The following CA10 variants were observed in gnomAD, a reference collection of about 807,000 sequenced individuals.
The protein encoded by CA10 is carbonic anhydrase-related protein 10.
CA10 carries 14 observed loss-of-function variants against 44.2 expected under a neutral mutation model. That is an observed-to-expected ratio of 0.32 (90% CI 0.21 to 0.50). The LOEUF (loss-of-function observed/expected upper bound fraction) is 0.50, where lower values mean the gene tolerates loss of function less well. Among genes scored for constraint, CA10 ranks in the 20% least tolerant of loss-of-function variants. The pLI is 0.99. For synonymous variants in CA10, 159 were observed against 141.6 expected, an observed-to-expected ratio of 1.12 and a Z score of -0.87; for missense variants, 350 against 409.7, an observed-to-expected ratio of 0.85 and a Z score of 1.26.
intron 1 of CA10, among the ~76,000 whole-genome samples, chr17:52,123,923 A>T (rs1503060): frequency 0.13 from 20,539 of 152,144 alleles, 1,667 homozygotes; most frequent in East Asian, 0.4. Context: ...GACCCTGTTT[A>T]AAAAAAGCAT....
intron 3 of CA10, among the ~76,000 whole-genome samples, chr17:51,894,412 T>C (rs1430978996): frequency 6.6e-6 from 1 of 152,076 alleles, no homozygotes; most frequent in Non-Finnish European, 1.5e-5. Context: ...AACTCCCAAG[T>C]AACTTTGATT....
intron 2 of CA10, among the ~76,000 whole-genome samples, chr17:51,944,970 G>C (rs1277911788): frequency 6.6e-6 from 1 of 152,114 alleles, no homozygotes; most frequent in Non-Finnish European, 1.5e-5. Context: ...GGGTCAACTG[G>C]GATGATCCGG....
intron 3 of CA10, among the ~76,000 whole-genome samples, chr17:51,809,613 C>T (rs568723849): frequency 8.5e-5 from 13 of 152,284 alleles, no homozygotes; most frequent in Admixed American, 3.9e-4. Context: ...ATACAGACGA[C>T]GGATGCTGCA....
intron 3 of CA10, among the ~76,000 whole-genome samples, chr17:51,805,089 C>T (rs1907077182): frequency 1.3e-5 from 2 of 152,148 alleles, no homozygotes; most frequent in South Asian, 2.1e-4. Flanking sequence ...CTGGTCTCAG[C>T]GGTCCCTTTC....
intron 6 of CA10, among the ~76,000 whole-genome samples, chr17:51,639,756 G>A (rs1034575834): frequency 1.1e-4 from 16 of 152,214 alleles, no homozygotes; most frequent in Non-Finnish European, 7.3e-5. Flanking sequence ...AGTGGAGAGT[G>A]TGAGTTTTAG....
At chr17:52,081,799 C>CAAAA (rs10707842) in intron 1 of CA10, among the ~76,000 whole-genome samples, 3 of 78,332 alleles carry the variant, frequency 3.8e-5, no homozygotes, top group African/African-American at 9.3e-5. Flanking sequence ...GACTCCGTCT[C>CAAAA]AAAAAAAAAA....
chr17:51,807,046 A>C (rs1907166114), intron 3 of CA10, among the ~76,000 whole-genome samples: 1 of 152,222 alleles, frequency 6.6e-6, no homozygotes, highest in African/African-American at 2.4e-5. Context: ...AGGCAGATTA[A>C]AGTGCATGTC....
chr17:51,719,916 A>G (rs1178484188), intron 4 of CA10, among the ~76,000 whole-genome samples: 1 of 152,124 alleles, frequency 6.6e-6, no homozygotes, highest in Admixed American at 6.6e-5. Context: ...AAACTTTTGC[A>G]GCCTTTTAAG....
In CA10 at chr17:51,949,529, T is replaced by G. The variant is rs1272786665; in HGVS notation, c.137-18397A>C. Among the ~76,000 whole-genome samples the G allele has an allele frequency of 3.3e-5, 5 of 152,286 alleles. No homozygotes were observed. In the East Asian group the frequency reaches 9.7e-4, roughly 29 times the overall value. On this transcript the variant is annotated intron_variant, in intron 2 of 8. Coordinates refer to ENST00000451037, the MANE Select transcript of CA10 (RefSeq NM_020178.5). Reference sequence around the variant, plus strand: ...ACACTTTGATTCCTTTGTCAAAATTTCCACTTAGAGCTGTGTGGGTGAGGC... The same window carrying G: ...ACACTTTGATTCCTTTGTCAAAATTGCCACTTAGAGCTGTGTGGGTGAGGC...
At chr17:52,002,050 C>T (rs538527143) in intron 2 of CA10, among the ~76,000 whole-genome samples, 2 of 151,788 alleles carry the variant, frequency 1.3e-5, no homozygotes, top group Non-Finnish European at 1.5e-5. Context: ...CTGGTTTTAA[C>T]AAAAATATGT....
At chr17:51,849,220 C>T (rs202138) in intron 3 of CA10, among the ~76,000 whole-genome samples, 855 of 19,966 alleles carry the variant, frequency 0.043, 1 homozygote, top group Non-Finnish European at 0.056. Context: ...TATATATATA[C>T]ATATATGTGT....
In CA10 at chr17:51,943,666, G is replaced by A. The variant is rs947230442; in HGVS notation, c.137-12534C>T. On this transcript the variant is annotated intron_variant, in intron 2 of 8. Transcript: ENST00000451037. ...AGCATGATCTGGGACTCAAACCAGA[G>A]ACTCTGATTAAATAAGTCTATGGCG... 2.0e-5 allele frequency among the ~76,000 whole-genome samples: 3 copies of A among 152,176 alleles called. No homozygotes were observed. In the East Asian group the frequency reaches 5.8e-4, roughly 29 times the overall value.
At chr17:51,820,408 C>A (rs1256210918) in intron 3 of CA10, among the ~76,000 whole-genome samples, 13 of 68,660 alleles carry the variant, frequency 1.9e-4, no homozygotes, top group Non-Finnish European at 2.8e-4. Context: ...TTCCCCTACC[C>A]CCCCCCCCCC....
intron 1 of CA10, among the ~76,000 whole-genome samples, chr17:52,133,020 A>T (rs952284384): frequency 6.6e-6 from 1 of 152,120 alleles, no homozygotes; most frequent in African/African-American, 2.4e-5. Flanking sequence ...GCAGATAAGG[A>T]TTATATGACT....
chr17:51,883,052 G>A (rs559217427), intron 3 of CA10, among the ~76,000 whole-genome samples: 1 of 152,208 alleles, frequency 6.6e-6, no homozygotes, highest in Non-Finnish European at 1.5e-5. Context: ...TATTAGTGGT[G>A]GGTCATCTCC....
intron 2 of CA10, among the ~76,000 whole-genome samples, chr17:52,019,081 T>C (rs1197069106): frequency 6.6e-6 from 1 of 152,128 alleles, no homozygotes; most frequent in East Asian, 1.9e-4. Flanking sequence ...CACAAGGAGA[T>C]TCTAATGCCA....
At chr17:51,734,933 G>A (rs1916849624) in intron 4 of CA10, among the ~76,000 whole-genome samples, 1 of 152,200 alleles carries the variant, frequency 6.6e-6, no homozygotes, top group Non-Finnish European at 1.5e-5. Flanking sequence ...GAGGAATGCT[G>A]TGTCATCCCA....
intron 2 of CA10, among the ~76,000 whole-genome samples, chr17:52,068,138 C>T (rs569375118): frequency 6.6e-6 from 1 of 152,050 alleles, no homozygotes; most frequent in Non-Finnish European, 1.5e-5. Flanking sequence ...GAATTATAAT[C>T]CCCATAATAT....
At chr17:51,810,415 C>T (rs1207381244) in intron 3 of CA10, among the ~76,000 whole-genome samples, 1 of 152,082 alleles carries the variant, frequency 6.6e-6, no homozygotes, top group Non-Finnish European at 1.5e-5. Flanking sequence ...AGGCTTCCTG[C>T]AGAAGGTGGC....
Sources: allele counts gnomAD v4.1 joint callset (sites outside exome capture counted in the v4.1 genomes callset), GRCh38; gene constraint gnomAD v4.1.1; transcripts MANE v1.5; gene names NCBI Gene and HGNC (gene_info 2026-07-23, HGNC 2026-07-21).